HAO2: variants seen among roughly 807,000 people sequenced by gnomAD.
The protein encoded by HAO2 is hydroxyacid oxidase 2.
A neutral mutation model predicts 37.4 loss-of-function variants in HAO2; 42 were observed. The observed-to-expected ratio is 1.12, with a 90% confidence interval of 0.88 to 1.45. The LOEUF (loss-of-function observed/expected upper bound fraction) is 1.45. HAO2 is among the 40% of genes most tolerant of loss of function. HAO2 has a pLI of 0.00. For missense variants in HAO2, 476 were observed against 430.2 expected (o/e 1.11, Z -0.94); for synonymous variants, 180 against 162.8 (o/e 1.11, Z -0.81).
At chr1:119,391,235 T>A (rs1271307428) in intron 5 of HAO2, among the ~76,000 whole-genome samples, 2 of 152,186 alleles carry the variant, frequency 1.3e-5, no homozygotes, top group Non-Finnish European at 2.9e-5. Flanking sequence ...GTTTTGACTC[T>A]TCTTCTCAGG....
intron 5 of HAO2, 106 bp downstream of exon 5, chr1:119,386,937 CT>C (rs1447556650): frequency 1.4e-6 from 1 of 726,472 alleles, no homozygotes; most frequent in Non-Finnish European, 2.5e-6. Flanking sequence ...TATTTCACTC[CT>C]CTGTACCACA....
At chr1:119,377,477 C>T (rs746415043) in intron 1 of HAO2, among the ~76,000 whole-genome samples, 3 of 152,216 alleles carry the variant, frequency 2.0e-5, no homozygotes, top group Non-Finnish European at 4.4e-5. Context: ...CTTCTAAGCC[C>T]TCCAAACTGT....
At chr1:119,389,170 AC>A (rs1650667897) in intron 5 of HAO2, among the ~76,000 whole-genome samples, 6 of 96,550 alleles carry the variant, frequency 6.2e-5, no homozygotes, top group African/African-American at 2.4e-4. Context: ...ATATATATAC[AC>A]CACAGTTTCT....
In HAO2 at chr1:119,392,610, G is replaced by A. The variant is rs772683912; in HGVS notation, c.931-8G>A. 1.0e-5 allele frequency: 16 copies of A among 1,591,602 alleles called. No homozygotes were observed. Among genetic ancestry groups the A allele is most frequent in the African/African-American group, 4.0e-5 (3 of 74,380 alleles). On this transcript the variant is annotated splice_region_variant and splice_polypyrimidine_tract_variant and intron_variant, in intron 6 of 7. Transcript: ENST00000325945. ...CTTTGTGTCTCTGTCTGTCTGCCTCGGGAGCAGGGTGAACATGGTGTTAAG... is the reference window on the plus strand; with the variant it reads ...CTTTGTGTCTCTGTCTGTCTGCCTCAGGAGCAGGGTGAACATGGTGTTAAG...
At chr1:119,371,470 T>C (rs1487106989) in intron 1 of HAO2, among the ~76,000 whole-genome samples, 1 of 152,208 alleles carries the variant, frequency 6.6e-6, no homozygotes, top group African/African-American at 2.4e-5. Flanking sequence ...TTATGATTTT[T>C]TGAGGGAAGA....
At chr1:119,381,880 T>C (rs1173819964) in intron 2 of HAO2, among the ~76,000 whole-genome samples, 1 of 152,216 alleles carries the variant, frequency 6.6e-6, no homozygotes, top group Admixed American at 6.5e-5. Flanking sequence ...AATAAAGTTT[T>C]ATTTTAACAC....
chr1:119,393,406 C>A (rs1442785050), intron 7 of HAO2, among the ~76,000 whole-genome samples: 3 of 152,120 alleles, frequency 2.0e-5, no homozygotes, highest in African/African-American at 4.8e-5. Flanking sequence ...GGAATACTCA[C>A]CCCATCTCTT....
At chr1:119,385,594 C>T in intron 4 of HAO2, 1 of 984,288 alleles carries the variant, frequency 1.0e-6, no homozygotes. Context: ...GATGCTATAG[C>T]ACATTTGTTT....
At chr1:119,388,331 T>A (rs997395486) in intron 5 of HAO2, among the ~76,000 whole-genome samples, 1 of 152,194 alleles carries the variant, frequency 6.6e-6, no homozygotes, top group African/African-American at 2.4e-5. Context: ...AAATACATCA[T>A]ACAATAGGTG....
Position 119,386,832 on chromosome 1 carries a change from G to A in HAO2, c.771+1G>A. ...GCAGCTTGATGAGGTTCTTGCTTCA[G>A]TAAGTAGGATTACTTCAGAGAAGGG... On this transcript the variant is annotated splice_donor_variant, in intron 5 of 7. Transcript: ENST00000325945. LOFTEE classifies it high-confidence loss of function. 1.3e-6 allele frequency: 2 copies of A among 1,590,958 alleles called. No homozygotes were observed. Among genetic ancestry groups the A allele is most frequent in the Non-Finnish European group, 1.7e-6 (2 of 1,158,962 alleles).
At position 119,384,688 on chromosome 1, in the gene HAO2, T is replaced by G. The variant is rs932179019; in HGVS notation, c.284-88T>G. The G allele has an allele frequency of 8.7e-6, 9 of 1,037,142 alleles. No homozygotes were observed. The African/African-American group carries it at 1.3e-4, about 15-fold the overall frequency. 64.2% of individuals were successfully genotyped at this position (1,037,142 alleles called of 1,614,324 possible). ...CTTTATCTGCATTCATGGGGCAAGATGGCCAGAGGCTACACAGACTCCCAA... is the reference window on the plus strand; with the variant it reads ...CTTTATCTGCATTCATGGGGCAAGAGGGCCAGAGGCTACACAGACTCCCAA... On this transcript the variant is annotated intron_variant, in intron 3 of 7. Transcript: ENST00000325945.
intron 3 of HAO2, among the ~76,000 whole-genome samples, chr1:119,383,403 A>G (rs1650120331): frequency 6.6e-6 from 1 of 152,112 alleles, no homozygotes; most frequent in Admixed American, 6.5e-5. Flanking sequence ...CCCCAAGGCT[A>G]GGGCCCTCTT....
In HAO2 at chr1:119,386,719, T is replaced by A; in HGVS notation, c.659T>A (p.Ile220Asn). The change falls in exon 5 of 8, where the codon ATC becomes AAC. Residue 220 changes from isoleucine (I) to asparagine (N), a missense_variant. Transcript: ENST00000325945. ...WFQSITRLPIILKGILTKEDA... is the reference protein window; with the variant it reads ...WFQSITRLPINLKGILTKEDA... ...CAGAGCATAACTCGATTGCCCATCA[T>A]CCTGAAAGGGATTTTGACAAAAGAG... 1 of 1,613,186 alleles carries A rather than the reference T, an allele frequency of 6.2e-7. No homozygotes were observed. Among genetic ancestry groups the A allele is most frequent in the Non-Finnish European group, 8.5e-7 (1 of 1,179,180 alleles).
chr1:119,376,774 C>A (rs894232675), intron 1 of HAO2, among the ~76,000 whole-genome samples: 2 of 152,228 alleles, frequency 1.3e-5, no homozygotes, highest in African/African-American at 4.8e-5. Context: ...GGCTTGCACC[C>A]TCTGAAGCTA....
At chr1:119,371,328 A>G (rs1282715447) in intron 1 of HAO2, among the ~76,000 whole-genome samples, 1 of 152,210 alleles carries the variant, frequency 6.6e-6, no homozygotes, top group East Asian at 1.9e-4. Context: ...TGCCCACTGG[A>G]TTGTTGTAAG....
chr1:119,387,467 G>GT (rs1476075258), intron 5 of HAO2, among the ~76,000 whole-genome samples: 1 of 152,012 alleles, frequency 6.6e-6, no homozygotes, highest in Non-Finnish European at 1.5e-5. Flanking sequence ...TTCCTCTTCA[G>GT]TTTCATTGAC....
At chr1:119,384,625 T>A (rs1650230552) in intron 3 of HAO2, 151 bp from the exon 4 acceptor site, 3 of 652,362 alleles carry the variant, frequency 4.6e-6, no homozygotes. Context: ...CAAATTGCCT[T>A]CCATCCCTTT....
At chr1:119,379,419 G>A (rs1045160780) in intron 1 of HAO2, among the ~76,000 whole-genome samples, 2 of 152,156 alleles carry the variant, frequency 1.3e-5, no homozygotes, top group African/African-American at 4.8e-5. Flanking sequence ...ATTGCAAGCA[G>A]ATCTCTGGAA....
intron 1 of HAO2, among the ~76,000 whole-genome samples, chr1:119,374,702 C>T (rs1557842137): frequency 6.6e-6 from 1 of 152,186 alleles, no homozygotes; most frequent in Non-Finnish European, 1.5e-5. Flanking sequence ...GGTTTCCATA[C>T]AAATATAAGC....
Sources: allele counts gnomAD v4.1 joint callset (sites outside exome capture counted in the v4.1 genomes callset), GRCh38; gene constraint gnomAD v4.1.1; transcripts MANE v1.5; gene names NCBI Gene and HGNC (gene_info 2026-07-23, HGNC 2026-07-21).